Variants in TXNDC15 observed in about 807,000 individuals in gnomAD.
TXNDC15 encodes the protein thioredoxin domain-containing protein 15.
Under a neutral mutation model 35.0 loss-of-function variants are expected in TXNDC15, and 24 were observed. The ratio of observed to expected loss-of-function variants is 0.68; its 90% CI spans 0.50 to 0.96. The LOEUF is 0.96. Ranked by LOEUF, TXNDC15 falls within the 40% of genes least tolerant of loss-of-function variation. The pLI is 0.00. For synonymous variants in TXNDC15, 169 were observed against 174.0 expected (o/e 0.97, Z 0.23); for missense variants, 385 against 453.3 (o/e 0.85, Z 1.37).
chr5:134,896,184 A>C (rs1235980214), intron 3 of TXNDC15, 110 bp from the exon 4 acceptor site: 2 of 1,310,690 alleles, frequency 1.5e-6, no homozygotes, highest in African/African-American at 3.0e-5. Flanking sequence ...AAATCTCCGT[A>C]GGTCACACGC....
chr5:134,886,155 G>A (rs1005366903), intron 1 of TXNDC15, among the ~76,000 whole-genome samples: 3 of 152,204 alleles, frequency 2.0e-5, no homozygotes, highest in African/African-American at 7.2e-5. Flanking sequence ...TATCACATGT[G>A]CTTTGTGATT....
intron 3 of TXNDC15, among the ~76,000 whole-genome samples, chr5:134,895,131 T>C (rs1212446369): frequency 6.6e-6 from 1 of 151,878 alleles, no homozygotes; most frequent in Non-Finnish European, 1.5e-5. Flanking sequence ...CAGTGAGCCG[T>C]GATCCTGTCA....
At position 134,888,029 on chromosome 5, in the gene TXNDC15, G is replaced by A; in HGVS notation, c.438G>A (p.Glu146=). The A allele has an allele frequency of 6.2e-7, 1 of 1,614,202 alleles. No individual in the cohort carries two copies. The change falls in exon 2 of 5, where the codon GAG becomes GAA. Residue 146 remains glutamate (E), a synonymous_variant. Coordinates refer to ENST00000358387, the MANE Select transcript of TXNDC15 (RefSeq NM_024715.4). ...AGAHFPDREE[E]YYTEPEVAES... is the part of the protein sequence containing the mutation. ...CACACTTCCCTGACAGAGAAGAGGA[G>A]TATTACACAGAGCCAGAAGTGGCGG...
rs1478167192 is a variant in TXNDC15 at position 134,874,475 on chromosome 5, C to T, written c.48C>T (p.Leu16=). 5 of 1,606,064 alleles carry T rather than the reference C, an allele frequency of 3.1e-6. No individual in the cohort carries two copies. The highest frequency in any genetic ancestry group is 4.2e-6 in the Non-Finnish European group (5 of 1,177,976). Residue 16 remains leucine (L), a synonymous_variant, in exon 1 of 5, where the codon CTC becomes CTT. Transcript: ENST00000358387. ...GACCGCCCCGCGTCATGCGGCTCCT[C>T]GGCTGGTGGCAAGTATTGCTGTGGG... The part of the protein sequence containing the change: ...GRRPPRVMRL[L]GWWQVLLWVL...
chr5:134,892,133 G>A (rs1344100458), intron 2 of TXNDC15: 1 of 151,894 alleles, frequency 6.6e-6, no homozygotes, highest in African/African-American at 2.4e-5. Flanking sequence ...AATTCTCTTA[G>A]CTAGATGTTC....
At chr5:134,883,913 CAAA>C (rs779962714) in intron 1 of TXNDC15, among the ~76,000 whole-genome samples, 4 of 66,922 alleles carry the variant, frequency 6.0e-5, no homozygotes, top group Admixed American at 1.7e-4. Context: ...GACTCCATCT[CAAA>C]AAAAAAAAAA....
intron 4 of TXNDC15, among the ~76,000 whole-genome samples, chr5:134,896,632 A>G (rs992196595): frequency 1.4e-4 from 21 of 150,802 alleles, no homozygotes; most frequent in African/African-American, 4.6e-4. Context: ...TTTAATTATT[A>G]TAGATACTTT....
chr5:134,885,245 G>C (rs1000300535), intron 1 of TXNDC15, among the ~76,000 whole-genome samples: 1 of 152,166 alleles, frequency 6.6e-6, no homozygotes. Context: ...CTTGAGCTTT[G>C]TTCTGGGGTA....
chr5:134,883,534 G>A (rs903582595), intron 1 of TXNDC15, among the ~76,000 whole-genome samples: 1 of 150,240 alleles, frequency 6.7e-6, no homozygotes, highest in Non-Finnish European at 1.5e-5. Flanking sequence ...TTGAACCCGG[G>A]AGGTGGTTGT....
At chr5:134,883,606 A>AAAAAAAAAAAAAAAAG (rs1561898033) in intron 1 of TXNDC15, among the ~76,000 whole-genome samples, 46 of 148,084 alleles carry the variant, frequency 3.1e-4, no homozygotes, top group African/African-American at 1.0e-3. Context: ...AAAAAAAAAA[A>AAAAAAAAAAAAAAAAG]AAAAAGAAAA....
intron 3 of TXNDC15, among the ~76,000 whole-genome samples, chr5:134,893,907 C>G (rs1750438841): frequency 6.6e-6 from 1 of 152,134 alleles, no homozygotes; most frequent in South Asian, 2.1e-4. Flanking sequence ...GGTGGTAGCA[C>G]CTGATGGCAG....
intron 1 of TXNDC15, among the ~76,000 whole-genome samples, chr5:134,876,965 C>T (rs1750047403): frequency 6.6e-6 from 1 of 152,042 alleles, no homozygotes; most frequent in South Asian, 2.1e-4. Flanking sequence ...CACTGGGGAT[C>T]CAGTGGTGAG....
At position 134,893,753 on chromosome 5, in the gene TXNDC15, G is replaced by A. The variant is rs559964901; in HGVS notation, c.755+98G>A. The A allele has an allele frequency of 4.7e-6, 7 of 1,486,302 alleles. No homozygotes were observed. The East Asian group carries it at 6.8e-5, about 14-fold the overall frequency. 92.1% of individuals were successfully genotyped at this position (1,486,302 alleles called of 1,614,324 possible). A position where few individuals can be genotyped will look rare whatever the true frequency, so the allele number is the denominator to read the frequency against. ...TTAAGTTAGAAGCAGAAGAGGGGGG[G>A]CATGAACTGTGTCCTGGGATGGAAG... is the stretch of plus-strand genomic sequence containing the variant. On this transcript the variant is annotated intron_variant, in intron 3 of 4. Coordinates refer to ENST00000358387, the MANE Select transcript of TXNDC15 (RefSeq NM_024715.4).
intron 1 of TXNDC15, among the ~76,000 whole-genome samples, chr5:134,882,102 A>G (rs1439808608): frequency 4.8e-5 from 7 of 145,880 alleles, no homozygotes; most frequent in African/African-American, 1.0e-4. Flanking sequence ...GGCGGTTGCC[A>G]GGCAGAGGGT....
At chr5:134,884,520 T>C (rs1580861767) in intron 1 of TXNDC15, among the ~76,000 whole-genome samples, 1 of 151,918 alleles carries the variant, frequency 6.6e-6, no homozygotes, top group East Asian at 1.9e-4. Flanking sequence ...AGTGCTGAGA[T>C]TACAGGTGTG....
chr5:134,887,608 A>G, intron 1 of TXNDC15, 87 bp from the exon 2 acceptor site: 2 of 1,496,422 alleles, frequency 1.3e-6, no homozygotes, highest in Admixed American at 2.3e-5. Context: ...CAGAGGGGAA[A>G]ATTTCGTGTT....
At chr5:134,884,184 C>T (rs1399401958) in intron 1 of TXNDC15, among the ~76,000 whole-genome samples, 1 of 142,956 alleles carries the variant, frequency 7.0e-6, no homozygotes, top group Admixed American at 7.1e-5. Context: ...TGTGCCACTG[C>T]ACTCCAACCT....
chr5:134,875,045 C>A, intron 1 of TXNDC15: 1 of 434,122 alleles, frequency 2.3e-6, no homozygotes, highest in Admixed American at 2.6e-5. Context: ...TGATACGTGG[C>A]AGAAGCCTGT....
chr5:134,877,771 C>G (rs1010455801), intron 1 of TXNDC15, among the ~76,000 whole-genome samples: 4 of 150,686 alleles, frequency 2.7e-5, no homozygotes, highest in African/African-American at 9.8e-5. Context: ...CCATGCCTGG[C>G]TAATTTTTTT....
Sources: gnomAD v4.1 joint callset for allele counts (sites outside exome capture counted in the v4.1 genomes callset) on GRCh38, gnomAD v4.1.1 for gene constraint, MANE v1.5 for transcripts, NCBI Gene and HGNC (gene_info 2026-07-23, HGNC 2026-07-21) for gene names.